DCLRE1A: variants seen among roughly 807,000 people sequenced by gnomAD.
DCLRE1A encodes the protein DNA cross-link repair 1A protein.
Under a neutral mutation model 91.9 loss-of-function variants are expected in DCLRE1A, and 64 were observed. The observed-to-expected ratio is 0.70, with a 90% CI of 0.57 to 0.86. The LOEUF (loss-of-function observed/expected upper bound fraction) is 0.86, where lower values mean the gene tolerates loss of function less well. DCLRE1A is among the 40% of genes least tolerant of loss of function. The probability of loss-of-function intolerance (pLI) is 0.00; values close to 1 mark genes in which losing one functional copy is unlikely to be tolerated. For synonymous variants in DCLRE1A, 416 were observed against 431.1 expected (o/e 0.96, Z 0.43); for missense variants, 1,145 against 1,213.3 (o/e 0.94, Z 0.84).
chr10:113,836,535 G>C (rs1845365478), intron 8 of DCLRE1A, among the ~76,000 whole-genome samples: 1 of 152,104 alleles, frequency 6.6e-6, no homozygotes, highest in Admixed American at 6.5e-5. Flanking sequence ...AAGTACCACA[G>C]AGAAAGGTGA....
intron 1 of DCLRE1A, among the ~76,000 whole-genome samples, chr10:113,851,125 A>G (rs897143914): frequency 1.3e-5 from 2 of 152,236 alleles, no homozygotes; most frequent in African/African-American, 4.8e-5. Flanking sequence ...AAAGGAGTTT[A>G]GTGAAAAACC....
Position 113,849,191 on chromosome 10 carries a change from A to G in DCLRE1A, c.1914T>C (p.Cys638=), listed in dbSNP as rs748166686. The G allele has an allele frequency of 6.2e-6, 10 of 1,613,806 alleles. No individual in the cohort carries two copies. In the African/African-American group the frequency reaches 8.0e-5, roughly 13 times the overall value. ...CTTCCTGCAGTGAATTTGACTTTCT[A>G]CATCTCTTTTTTTGACGCTGTGACC... is the stretch of plus-strand genomic sequence containing the variant. ...SERSQRQKKR[C]RKSNSLQEGA... is the part of the protein sequence containing the mutation. The change falls in exon 2 of 9, where the codon TGT becomes TGC. Residue 638 remains cysteine, a synonymous_variant. Transcript: ENST00000361384.
intron 7 of DCLRE1A, among the ~76,000 whole-genome samples, chr10:113,837,893 C>T (rs1011995035): frequency 5.3e-5 from 8 of 152,116 alleles, no homozygotes; most frequent in Middle Eastern, 3.4e-3. Context: ...CGAAAGATAA[C>T]AGAAATCCAG....
Position 113,850,423 on chromosome 10 carries a change from G to A in DCLRE1A, c.682C>T (p.Pro228Ser). Reference sequence around the variant, plus strand: ...TTAAAATACTGTGTCATCAATAAGGGATCATTTGAAACCGAGTTATCAGTT... The same window carrying A: ...TTAAAATACTGTGTCATCAATAAGGAATCATTTGAAACCGAGTTATCAGTT... ...NQTDNSVSNDPLLMTQYFKKS... is the reference protein window; with the variant it reads ...NQTDNSVSNDSLLMTQYFKKS... Residue 228 changes from proline to serine, a missense_variant, in exon 2 of 9, where the codon CCC becomes TCC. Coordinates refer to ENST00000361384, the MANE Select transcript of DCLRE1A (RefSeq NM_014881.5). 1 of 1,614,158 alleles carries A rather than the reference G, an allele frequency of 6.2e-7. No homozygotes were observed. Among genetic ancestry groups the A allele is most frequent in the Non-Finnish European group, 8.5e-7 (1 of 1,180,022 alleles).
chr10:113,853,073 T>A lies in DCLRE1A; in HGVS notation c.110A>T (p.Lys37Ile). 1 of 1,612,564 alleles carries A rather than the reference T, an allele frequency of 6.2e-7. No individual in the cohort carries two copies. The highest frequency in any genetic ancestry group is 8.5e-7 in the Non-Finnish European group (1 of 1,179,740). The change falls in exon 1 of 9, where the codon AAA becomes ATA. Residue 37 changes from lysine to isoleucine, a missense_variant. Coordinates refer to ENST00000361384, the MANE Select transcript of DCLRE1A (RefSeq NM_014881.5). The part of the protein sequence containing the change: ...GSKNILKSVE[K>I]ATDGKYQSKR... ...TGACTGGTATTTTCCATCTGTTGCT[T>A]TTTCAACAGATTTTAGAATATTTTT... is the stretch of plus-strand genomic sequence containing the variant.
In DCLRE1A at chr10:113,852,213, GTAGTCCCGGC is replaced by G. The variant is rs1430435924; in HGVS notation, c.460+500_460+509del. Among the ~76,000 whole-genome samples, 41 of 152,250 alleles carry G rather than the reference GTAGTCCCGGC, an allele frequency of 2.7e-4. No homozygotes were observed. The Middle Eastern group carries it at 0.017, about 63-fold the overall frequency. On this transcript the variant is annotated intron_variant, in intron 1 of 8. Coordinates refer to ENST00000361384, the MANE Select transcript of DCLRE1A (RefSeq NM_014881.5). Reference sequence around the variant, plus strand: ...TAGCCGGGTGCGGTGGCGGGCGCCTGTAGTCCCGGCTACTCGGGAAGCTGAGGCAGGAGAA... The same window carrying G: ...TAGCCGGGTGCGGTGGCGGGCGCCTGTACTCGGGAAGCTGAGGCAGGAGAA...
intron 1 of DCLRE1A, among the ~76,000 whole-genome samples, chr10:113,851,441 CT>C (rs1406683498): frequency 6.6e-6 from 1 of 151,642 alleles, no homozygotes; most frequent in East Asian, 1.9e-4. Flanking sequence ...TGAATTTTAA[CT>C]TTTTCAGATT....
intron 1 of DCLRE1A, among the ~76,000 whole-genome samples, chr10:113,851,759 C>T (rs1332534768): frequency 1.3e-5 from 2 of 150,764 alleles, no homozygotes; most frequent in Admixed American, 6.6e-5. Context: ...CTCCCTCTGT[C>T]GCCCCACCCA....
rs192014200 is a variant in DCLRE1A, at chr10:113,846,565, T to C, written c.2259+637A>G. On this transcript the variant is annotated intron_variant, in intron 3 of 8. Transcript: ENST00000361384. The stretch of plus-strand genomic sequence containing the variant: ...TGGCATTATTTATGAATGTTTCCTC[T>C]GGAGGTTATAAGCTCCTTGAAGCTC... 8.5e-5 allele frequency among the ~76,000 whole-genome samples: 13 copies of C among 152,254 alleles called. No homozygotes were observed. In the East Asian group the frequency reaches 2.5e-3, roughly 29 times the overall value.
In DCLRE1A at chr10:113,849,745, T is replaced by A. The variant is rs1428512681; in HGVS notation, c.1360A>T (p.Asn454Tyr). ...TTAACTAACGGAAGAGAAACTTGATTGTAAACAGATGATTCTTCAATTACC... is the reference window on the plus strand; with the variant it reads ...TTAACTAACGGAAGAGAAACTTGATAGTAAACAGATGATTCTTCAATTACC... ...KQVIEESSVYNQVSLPLVKSL... is the reference protein window; with the variant it reads ...KQVIEESSVYYQVSLPLVKSL... The change falls in exon 2 of 9, where the codon AAT (asparagine) becomes TAT (tyrosine). Residue 454 changes from asparagine to tyrosine, a missense_variant. Physicochemically the swap from Asn to Tyr is moderately radical, Grantham distance 143. Transcript: ENST00000361384. The A allele has an allele frequency of 6.2e-7, 1 of 1,614,206 alleles. No individual in the cohort carries two copies. The highest frequency in any genetic ancestry group is 1.3e-5 in the African/African-American group (1 of 75,060).
intron 8 of DCLRE1A, among the ~76,000 whole-genome samples, chr10:113,836,207 A>G (rs1355403741): frequency 1.3e-5 from 2 of 152,178 alleles, no homozygotes; most frequent in African/African-American, 4.8e-5. Flanking sequence ...AAGCAGTGGG[A>G]GAATGGACTA....
intron 3 of DCLRE1A, among the ~76,000 whole-genome samples, 179 bp downstream of exon 3, chr10:113,847,023 T>A (rs563599636): frequency 6.6e-6 from 1 of 152,234 alleles, no homozygotes; most frequent in Non-Finnish European, 1.5e-5. Flanking sequence ...AGATGTTTTC[T>A]AAAAACTGAA....
At chr10:113,839,063 C>T (rs985972363) in intron 7 of DCLRE1A, among the ~76,000 whole-genome samples, 3 of 152,054 alleles carry the variant, frequency 2.0e-5, no homozygotes, top group African/African-American at 4.8e-5. Flanking sequence ...TGGTGGCTCA[C>T]GCATGTATTC....
intron 7 of DCLRE1A, among the ~76,000 whole-genome samples, chr10:113,840,857 G>A (rs1397317049): frequency 6.6e-6 from 1 of 151,998 alleles, no homozygotes; most frequent in Non-Finnish European, 1.5e-5. Context: ...ATATGAATAA[G>A]TCTGACAAAT....
At chr10:113,848,295 C>T (rs1436656987) in intron 2 of DCLRE1A, among the ~76,000 whole-genome samples, 3 of 151,684 alleles carry the variant, frequency 2.0e-5, no homozygotes, top group South Asian at 4.2e-4. Flanking sequence ...CCAGCCTAGG[C>T]GACAGAGCGA....
Position 113,853,274 on chromosome 10 carries a change from G to T in DCLRE1A, c.-92C>A. 7.9e-7 allele frequency: 1 copy of T among 1,261,140 alleles called. No individual in the cohort carries two copies. Among genetic ancestry groups the T allele is most frequent in the Non-Finnish European group, 1.1e-6 (1 of 949,094 alleles). 78.1% of individuals were successfully genotyped at this position (1,261,140 alleles called of 1,614,324 possible). On this transcript the variant is annotated 5_prime_UTR_variant, in exon 1 of 9. Transcript: ENST00000361384. ...AAACAAAAAGTTATAGAATTATTTT[G>T]CTGAGAAAAAAAACAAAGGTAACAA...
At chr10:113,835,470 A>G (rs111688588) in intron 8 of DCLRE1A, among the ~76,000 whole-genome samples, 158 bp from the exon 9 acceptor site, 1 of 152,240 alleles carries the variant, frequency 6.6e-6, no homozygotes, top group Non-Finnish European at 1.5e-5. Flanking sequence ...AAACTTGTTG[A>G]TATCTTTTAT....
Position 113,835,421 on chromosome 10 carries a change from T to A in DCLRE1A, c.2963-109A>T, listed in dbSNP as rs1048758260. 2.6e-5 allele frequency: 33 copies of A among 1,251,388 alleles called. No individual in the cohort carries two copies. The African/African-American group carries it at 4.3e-4, about 16-fold the overall frequency. The allele number at this position is 1,251,388 out of a possible 1,614,324, so 77.5% of individuals were successfully genotyped here. A position where few individuals can be genotyped will look rare whatever the true frequency, so the allele number is the denominator to read the frequency against. ...AAAAGAGAAAAGCAATCCACAGTATTTTTGTCAAAAACCCCTCAGTGCTTT... is the reference window on the plus strand; with the variant it reads ...AAAAGAGAAAAGCAATCCACAGTATATTTGTCAAAAACCCCTCAGTGCTTT... On this transcript the variant is annotated intron_variant, in intron 8 of 8. Transcript: ENST00000361384.
Position 113,853,264 on chromosome 10 carries a change from G to C in DCLRE1A, c.-82C>G. On this transcript the variant is annotated 5_prime_UTR_variant, in exon 1 of 9. Coordinates refer to ENST00000361384, the MANE Select transcript of DCLRE1A (RefSeq NM_014881.5). ...TTCTTGTCACAAACAAAAAGTTATA[G>C]AATTATTTTGCTGAGAAAAAAAACA... The C allele has an allele frequency of 7.7e-7, 1 of 1,294,012 alleles. No individual in the cohort carries two copies. The highest frequency in any genetic ancestry group is 1.0e-6 in the Non-Finnish European group (1 of 975,574). 80.2% of individuals were successfully genotyped at this position (1,294,012 alleles called of 1,614,324 possible).
Sources: gnomAD v4.1 joint callset for allele counts (sites outside exome capture counted in the v4.1 genomes callset) on GRCh38, gnomAD v4.1.1 for gene constraint, MANE v1.5 for transcripts, NCBI Gene and HGNC (gene_info 2026-07-23, HGNC 2026-07-21) for gene names.